UNC13C: variants seen among roughly 807,000 people sequenced by gnomAD.
UNC13C encodes the protein protein unc-13 homolog C.
Under a neutral mutation model 245.4 loss-of-function variants are expected in UNC13C, and 174 were observed. The ratio of observed to expected loss-of-function variants is 0.71; its 90% CI spans 0.63 to 0.80. UNC13C has a LOEUF of 0.80. Ranked by LOEUF, UNC13C falls within the 30% of genes least tolerant of loss-of-function variation. UNC13C has a pLI of 0.00. For synonymous variants in UNC13C, 992 were observed against 895.1 expected (o/e 1.11, Z -1.93); for missense variants, 2,829 against 2,602.9 (o/e 1.09, Z -1.89).
downstream of UNC13C, chr15:54,629,607 A>C (rs1299031376): frequency 1.3e-5 from 2 of 152,200 alleles, no homozygotes; most frequent in Non-Finnish European, 2.9e-5. Context: ...ACATGGTTAA[A>C]AATCTCACAT....
chr15:53,847,800 T>C, the UNC13C span, among the ~76,000 whole-genome samples: 2 of 152,148 alleles, frequency 1.3e-5, no homozygotes, highest in African/African-American at 2.4e-5. Context: ...ACATGCACCA[T>C]TGTGATAAGA....
the UNC13C span, among the ~76,000 whole-genome samples, chr15:53,840,681 T>G: frequency 6.6e-6 from 1 of 152,168 alleles, no homozygotes; most frequent in Admixed American, 6.6e-5. Context: ...TAGCATCATG[T>G]GTCCCATTTT....
chr15:54,288,034 G>A (rs143346463), intron 10 of UNC13C, among the ~76,000 whole-genome samples: 264 of 152,224 alleles, frequency 1.7e-3, no homozygotes, highest in African/African-American at 6.1e-3. Context: ...TAAACACTAT[G>A]TATCTTTGTC....
intron 17 of UNC13C, among the ~76,000 whole-genome samples, chr15:54,343,394 A>G (rs2038782958): frequency 1.3e-5 from 2 of 152,066 alleles, no homozygotes; most frequent in Non-Finnish European, 2.9e-5. Context: ...CAGCCTCCCA[A>G]AGTGCTGCGA....
At chr15:54,267,544 A>C (rs533525203) in intron 10 of UNC13C, among the ~76,000 whole-genome samples, 5 of 152,142 alleles carry the variant, frequency 3.3e-5, no homozygotes, top group South Asian at 4.1e-4. Context: ...ATTTTGTTAC[A>C]TTCTATTTCT....
chr15:53,973,276 G>T (rs758499696), upstream of UNC13C, among the ~76,000 whole-genome samples: 4 of 152,054 alleles, frequency 2.6e-5, no homozygotes, highest in Non-Finnish European at 5.9e-5. Flanking sequence ...ACAATATTTG[G>T]TAAGAAGTTT....
At chr15:54,569,872 C>T (rs1897673979) in intron 30 of UNC13C, among the ~76,000 whole-genome samples, 1 of 151,850 alleles carries the variant, frequency 6.6e-6, no homozygotes, top group Admixed American at 6.6e-5. Flanking sequence ...CGTTAGCTAC[C>T]TGTAAATATG....
chr15:54,073,102 A>G (rs1205481271), intron 2 of UNC13C, among the ~76,000 whole-genome samples: 3 of 151,356 alleles, frequency 2.0e-5, no homozygotes, highest in South Asian at 2.1e-4. Context: ...TCATAGTTCA[A>G]CTCCCACTTA....
At chr15:53,990,305 G>T (rs964843394) in intron 1 of UNC13C, among the ~76,000 whole-genome samples, 4 of 151,982 alleles carry the variant, frequency 2.6e-5, no homozygotes, top group African/African-American at 9.7e-5. Flanking sequence ...ATGAAGAAGA[G>T]ATTATGAGTG....
chr15:54,190,089 G>A (rs2034132091), intron 4 of UNC13C, among the ~76,000 whole-genome samples: 1 of 152,060 alleles, frequency 6.6e-6, no homozygotes, highest in African/African-American at 2.4e-5. Flanking sequence ...TAATGGATAA[G>A]GTCACACCTT....
intron 2 of UNC13C, among the ~76,000 whole-genome samples, chr15:54,121,959 A>C (rs542943834): frequency 6.6e-6 from 1 of 152,172 alleles, no homozygotes; most frequent in African/African-American, 2.4e-5. Context: ...AAATATGGGC[A>C]TAGTGTTAAG....
chr15:54,382,840 C>T (rs954536319), intron 17 of UNC13C, among the ~76,000 whole-genome samples: 4 of 151,938 alleles, frequency 2.6e-5, no homozygotes, highest in Non-Finnish European at 2.9e-5. Context: ...TCAAAACAGA[C>T]GACCTCAGAA....
chr15:54,360,491 C>T (rs2039206241), intron 17 of UNC13C, among the ~76,000 whole-genome samples: 2 of 152,006 alleles, frequency 1.3e-5, no homozygotes, highest in African/African-American at 4.8e-5. Flanking sequence ...ATATTGGGTA[C>T]ATATAGATTT....
intron 30 of UNC13C, among the ~76,000 whole-genome samples, chr15:54,586,928 C>T (rs1387920420): frequency 1.3e-5 from 2 of 152,160 alleles, no homozygotes; most frequent in Non-Finnish European, 2.9e-5. Context: ...AATGATATAA[C>T]TAAGCTGTAC....
At chr15:54,245,684 G>A (rs191996610) in intron 7 of UNC13C, among the ~76,000 whole-genome samples, 1 of 152,018 alleles carries the variant, frequency 6.6e-6, no homozygotes, top group Non-Finnish European at 1.5e-5. Context: ...CTAATGTTTG[G>A]TCTGCAAAAA....
intron 30 of UNC13C, among the ~76,000 whole-genome samples, chr15:54,584,464 G>C (rs1898381511): frequency 6.6e-6 from 1 of 152,158 alleles, no homozygotes; most frequent in Non-Finnish European, 1.5e-5. Context: ...ATAACCTCCA[G>C]TGCAGAACAA....
chr15:54,562,882 A>C (rs1250378692), intron 29 of UNC13C, among the ~76,000 whole-genome samples: 1 of 152,014 alleles, frequency 6.6e-6, no homozygotes, highest in Non-Finnish European at 1.5e-5. Context: ...ATGTGTTCTA[A>C]CCAATGAAGA....
At chr15:53,934,199 T>C in the UNC13C span, among the ~76,000 whole-genome samples, 2 of 152,320 alleles carry the variant, frequency 1.3e-5, no homozygotes, top group East Asian at 1.9e-4. Context: ...TAAACCATTG[T>C]TGAGAAATCT....
At chr15:53,912,059 G>GCCACCC in the UNC13C span, 3 of 152,226 alleles carry the variant, frequency 2.0e-5, no homozygotes, top group Non-Finnish European at 4.4e-5. Flanking sequence ...GATTAAAAGG[G>GCCACCC]GCCCAGGCGG....
Sources: gnomAD v4.1 joint callset for allele counts (sites outside exome capture counted in the v4.1 genomes callset) on GRCh38, gnomAD v4.1.1 for gene constraint, MANE v1.5 for transcripts, NCBI Gene and HGNC (gene_info 2026-07-23, HGNC 2026-07-21) for gene names.